The following FAM83D variants were observed in gnomAD, a reference collection of about 807,000 sequenced individuals.
FAM83D encodes scaffolding CK1 anchoring protein D.
Under a neutral mutation model 25.4 loss-of-function variants are expected in FAM83D, and 26 were observed. That is an observed-to-expected ratio of 1.02 (90% CI 0.75 to 1.42). The LOEUF (loss-of-function observed/expected upper bound fraction) is 1.42. Among genes scored for constraint, FAM83D ranks in the 40% most tolerant of loss-of-function variants. The probability of loss-of-function intolerance (pLI) is 0.00; values close to 1 mark genes in which losing one functional copy is unlikely to be tolerated. For missense variants in FAM83D, 740 were observed against 758.1 expected (o/e 0.98, Z 0.28); for synonymous variants, 310 against 318.5 (o/e 0.97, Z 0.28).
At chr20:38,927,858 T>G (rs1449786501) in intron 1 of FAM83D, among the ~76,000 whole-genome samples, 1 of 152,206 alleles carries the variant, frequency 6.6e-6, no homozygotes, top group African/African-American at 2.4e-5. Flanking sequence ...GGGTTTGTTT[T>G]CCATAGGCTG....
chr20:38,936,703 C>T (rs2085680783), intron 1 of FAM83D, among the ~76,000 whole-genome samples: 1 of 152,086 alleles, frequency 6.6e-6, no homozygotes, highest in African/African-American at 2.4e-5. Context: ...TTAAGTTTGT[C>T]ACCTTGAACA....
intron 2 of FAM83D, among the ~76,000 whole-genome samples, chr20:38,947,304 C>T (rs968937641): frequency 6.6e-6 from 1 of 152,192 alleles, no homozygotes; most frequent in Non-Finnish European, 1.5e-5. Flanking sequence ...TGTTAAGCCA[C>T]ATGTGATATG....
At position 38,951,777 on chromosome 20, in the gene FAM83D, A is replaced by G. The variant is rs754683845; in HGVS notation, c.1015A>G (p.Ser339Gly). 4.3e-6 allele frequency: 7 copies of G among 1,614,084 alleles called. No individual in the cohort carries two copies. Among genetic ancestry groups the G allele is most frequent in the South Asian group, 1.1e-5 (1 of 91,090 alleles). ...LLRMRLARLSSTPRKADLDPE... is the reference protein window; with the variant it reads ...LLRMRLARLSGTPRKADLDPE... ...GCGGATGCGGCTGGCTAGGCTGTCA[A>G]GTACTCCCAGGAAGGCGGACCTGGA... The change falls in exon 4 of 4, where the codon AGT becomes GGT. Residue 339 changes from serine to glycine, a missense_variant. By Grantham distance (56) the Ser-to-Gly change is moderately conservative. Around this residue, in one of 3 missense-constraint regions of FAM83D, gnomAD observed 375 missense variants for 403.2 expected, o/e 0.93. Coordinates refer to ENST00000619850, the MANE Select transcript of FAM83D (RefSeq NM_030919.3).
At chr20:38,938,363 ACT>A (rs2085687280) in intron 1 of FAM83D, among the ~76,000 whole-genome samples, 1 of 151,928 alleles carries the variant, frequency 6.6e-6, no homozygotes, top group Non-Finnish European at 1.5e-5. Flanking sequence ...GGCCCGTCAC[ACT>A]CTGTTACCCC....
At chr20:38,949,106 G>T (rs530318809) in intron 3 of FAM83D, among the ~76,000 whole-genome samples, 2 of 151,626 alleles carry the variant, frequency 1.3e-5, no homozygotes, top group South Asian at 4.2e-4. Context: ...TGTTGAGGAG[G>T]TTTTATAATC....
intron 1 of FAM83D, among the ~76,000 whole-genome samples, chr20:38,937,026 GAC>G (rs1287311805): frequency 1.3e-5 from 2 of 152,194 alleles, no homozygotes; most frequent in Non-Finnish European, 2.9e-5. Context: ...TGTGAGAGTG[GAC>G]ACACATGCAG....
Position 38,941,966 on chromosome 20 carries a change from C to A in FAM83D, c.491C>A (p.Ala164Glu), listed in dbSNP as rs1002414303. Residue 164 changes from alanine (A) to glutamate (E), a missense_variant, in exon 2 of 4, where the codon GCA becomes GAA. Around this residue, in one of 3 missense-constraint regions of FAM83D, gnomAD observed 333 missense variants for 298.6 expected, o/e 1.12. Coordinates refer to ENST00000619850, the MANE Select transcript of FAM83D (RefSeq NM_030919.3). Reference protein sequence around the residue: ...QQLRSAREVIAVVMDVFTDID... With the variant: ...QQLRSAREVIEVVMDVFTDID... Reference sequence around the variant, plus strand: ...TCCCTGTTTCACCTGTAGGTGATTGCAGTGGTCATGGACGTGTTCACAGAC... The same window carrying A: ...TCCCTGTTTCACCTGTAGGTGATTGAAGTGGTCATGGACGTGTTCACAGAC... The A allele has an allele frequency of 1.9e-6, 3 of 1,613,822 alleles. No individual in the cohort carries two copies. Among genetic ancestry groups the A allele is most frequent in the Non-Finnish European group, 8.5e-7 (1 of 1,180,012 alleles).
In FAM83D at chr20:38,952,109, C is replaced by A. The variant is rs1601339989; in HGVS notation, c.1347C>A (p.Asn449Lys). The change falls in exon 4 of 4, where the codon AAC becomes AAA. Residue 449 changes from asparagine to lysine, a missense_variant. Asn to Lys is a moderately conservative substitution (Grantham distance 94). Transcript: ENST00000619850. Reference sequence around the variant, plus strand: ...CTACTCAGACTGACATGGATGAGAACATTCTCTTTCCTCGAGGAACTCAAT... The same window carrying A: ...CTACTCAGACTGACATGGATGAGAAAATTCTCTTTCCTCGAGGAACTCAAT... The part of the protein sequence containing the change: ...STTTQTDMDE[N>K]ILFPRGTQST... The A allele has an allele frequency of 6.2e-7, 1 of 1,614,252 alleles. No individual in the cohort carries two copies. Among genetic ancestry groups the A allele is most frequent in the East Asian group, 2.2e-5 (1 of 44,886 alleles).
At chr20:38,946,771 A>G (rs977553110) in intron 2 of FAM83D, among the ~76,000 whole-genome samples, 2 of 152,148 alleles carry the variant, frequency 1.3e-5, no homozygotes, top group South Asian at 2.1e-4. Flanking sequence ...GTTCCTTTTC[A>G]TTGCTGAGTA....
intron 1 of FAM83D, among the ~76,000 whole-genome samples, chr20:38,939,897 C>T (rs1047134021): frequency 2.6e-4 from 39 of 152,242 alleles, no homozygotes; most frequent in African/African-American, 8.9e-4. Flanking sequence ...AGCCCTTTGA[C>T]CCAGATGCTA....
Position 38,947,992 on chromosome 20 carries a change from C to T in FAM83D, c.768C>T (p.Gly256=), listed in dbSNP as rs939205494. ...TTGATGGCATCCGCGTGGCAACAGGCTCCTACAGGTAAGTCTCTAACCCGT... is the reference window on the plus strand; with the variant it reads ...TTGATGGCATCCGCGTGGCAACAGGTTCCTACAGGTAAGTCTCTAACCCGT... ...TLIDGIRVAT[G]SYSFTWTDGK... The change falls in exon 3 of 4, where the codon GGC becomes GGT. Residue 256 remains glycine, a synonymous_variant. Coordinates refer to ENST00000619850, the MANE Select transcript of FAM83D (RefSeq NM_030919.3). The T allele has an allele frequency of 1.2e-6, 2 of 1,613,974 alleles. No individual in the cohort carries two copies. The highest frequency in any genetic ancestry group is 1.3e-5 in the African/African-American group (1 of 74,926).
chr20:38,938,465 G>T (rs897049571), intron 1 of FAM83D, among the ~76,000 whole-genome samples: 1 of 152,168 alleles, frequency 6.6e-6, no homozygotes, highest in African/African-American at 2.4e-5. Context: ...GCCTCGATTG[G>T]GTCCACAATG....
At chr20:38,927,791 A>C (rs1601328718) in intron 1 of FAM83D, among the ~76,000 whole-genome samples, 1 of 151,816 alleles carries the variant, frequency 6.6e-6, no homozygotes, top group African/African-American at 2.4e-5. Context: ...GAGCCACCGC[A>C]CCCGGCCCCC....
chr20:38,933,741 T>C (rs946411747), intron 1 of FAM83D, among the ~76,000 whole-genome samples: 2 of 152,188 alleles, frequency 1.3e-5, no homozygotes, highest in African/African-American at 2.4e-5. Flanking sequence ...ACTAGCCGAA[T>C]CTCCAGAGCT....
Position 38,951,555 on chromosome 20 carries a change from G to T in FAM83D, c.793G>T (p.Gly265Cys), listed in dbSNP as rs776786837. 6.2e-7 allele frequency: 1 copy of T among 1,612,266 alleles called. No individual in the cohort carries two copies. The highest frequency in any genetic ancestry group is 1.7e-5 in the Admixed American group (1 of 59,732). ...TGSYSFTWTD[G>C]KLNSSNLVIL... ...ATCTTTAAGTTTTACATGGACGGATGGCAAATTAAACAGCAGTAACTTGGT... is the reference window on the plus strand; with the variant it reads ...ATCTTTAAGTTTTACATGGACGGATTGCAAATTAAACAGCAGTAACTTGGT... The change falls in exon 4 of 4, where the codon GGC (glycine) becomes TGC (cysteine). Residue 265 changes from glycine (G) to cysteine (C), a missense_variant. Coordinates refer to ENST00000619850, the MANE Select transcript of FAM83D (RefSeq NM_030919.3).
intron 1 of FAM83D, among the ~76,000 whole-genome samples, chr20:38,929,719 A>G (rs2085651236): frequency 6.6e-6 from 1 of 151,176 alleles, no homozygotes; most frequent in South Asian, 2.1e-4. Context: ...TTGAGGCTGT[A>G]GTACACTATG....
At chr20:38,934,511 A>AG (rs1347226411) in intron 1 of FAM83D, among the ~76,000 whole-genome samples, 1 of 152,064 alleles carries the variant, frequency 6.6e-6, no homozygotes, top group African/African-American at 2.4e-5. Flanking sequence ...AAAAAAAAAA[A>AG]AAATTCTTGA....
At chr20:38,938,841 C>G (rs2085689543) in intron 1 of FAM83D, among the ~76,000 whole-genome samples, 1 of 152,186 alleles carries the variant, frequency 6.6e-6, no homozygotes, top group Non-Finnish European at 1.5e-5. Flanking sequence ...GTTGCTTAAC[C>G]TAAAGAATAT....
intron 1 of FAM83D, among the ~76,000 whole-genome samples, chr20:38,936,966 G>A (rs933723178): frequency 6.6e-6 from 1 of 152,184 alleles, no homozygotes; most frequent in Non-Finnish European, 1.5e-5. Flanking sequence ...GAGGGGACAG[G>A]TAGAAGGACT....
Sources: allele counts gnomAD v4.1 joint callset (sites outside exome capture counted in the v4.1 genomes callset), GRCh38; gene constraint gnomAD v4.1.1; regional missense constraint gnomAD v4.1.1; transcripts MANE v1.5; gene names NCBI Gene and HGNC (gene_info 2026-07-23, HGNC 2026-07-21).